The following DIP2C variants were observed in gnomAD, a reference collection of about 807,000 sequenced individuals.
DIP2C encodes the protein DIP2 acetate--CoA ligase C (putative).
In DIP2C, 33 loss-of-function variants were observed where a neutral mutation model predicts 192.4. That is an observed-to-expected ratio of 0.17 (90% confidence interval 0.13 to 0.23). The LOEUF is 0.23. DIP2C is among the 10% of genes least tolerant of loss of function. The pLI, the probability that DIP2C is intolerant of heterozygous loss-of-function variation, is 1.00. For missense variants in DIP2C, 1,537 were observed against 2,110.1 expected, an observed-to-expected ratio of 0.73 and a Z score of 5.32; for synonymous variants, 979 against 864.1, an observed-to-expected ratio of 1.13 and a Z score of -2.33.
chr10:627,914 C>T (rs1385602659), intron 1 of DIP2C, among the ~76,000 whole-genome samples: 1 of 152,234 alleles, frequency 6.6e-6, no homozygotes, highest in Non-Finnish European at 1.5e-5. Flanking sequence ...CACCATCAGT[C>T]CCCCACCTCA....
chr10:602,045 C>T (rs1852114109), intron 1 of DIP2C, among the ~76,000 whole-genome samples: 1 of 146,236 alleles, frequency 6.8e-6, no homozygotes, highest in African/African-American at 2.6e-5. Context: ...CAGCCTAAGC[C>T]ACATGGGAAG....
chr10:285,790 C>T (rs956638814), intron 34 of DIP2C, among the ~76,000 whole-genome samples: 2 of 152,266 alleles, frequency 1.3e-5, no homozygotes, highest in Non-Finnish European at 2.9e-5. Context: ...CGGGCTCATT[C>T]TGAACACAAT....
intron 9 of DIP2C, among the ~76,000 whole-genome samples, chr10:403,937 G>C (rs1272361267): frequency 1.1e-5 from 1 of 94,582 alleles, no homozygotes; most frequent in Non-Finnish European, 2.2e-5. Context: ...TTTTACACGT[G>C]TGGTGGCATT....
intron 9 of DIP2C, among the ~76,000 whole-genome samples, chr10:401,773 C>T (rs937153699): frequency 1.3e-5 from 2 of 150,382 alleles, no homozygotes; most frequent in African/African-American, 2.5e-5. Flanking sequence ...TAGCATTACT[C>T]TTCCTTATGG....
chr10:588,454 T>C (rs992555712), intron 1 of DIP2C, among the ~76,000 whole-genome samples: 1 of 152,104 alleles, frequency 6.6e-6, no homozygotes, highest in African/African-American at 2.4e-5. Flanking sequence ...CCGCACTGGG[T>C]GAGGTGAGCA....
chr10:298,748 G>A (rs150979665), intron 32 of DIP2C, among the ~76,000 whole-genome samples: 7 of 152,310 alleles, frequency 4.6e-5, no homozygotes, highest in African/African-American at 1.7e-4. Context: ...AGGTGACAAG[G>A]GGACTCCTGA....
At chr10:645,792 C>T (rs190509300) in intron 1 of DIP2C, among the ~76,000 whole-genome samples, 126 of 152,254 alleles carry the variant, frequency 8.3e-4, no homozygotes, top group Admixed American at 3.3e-3. Context: ...TTGCCTATTT[C>T]CCTAGGTTTG....
intron 6 of DIP2C, among the ~76,000 whole-genome samples, chr10:417,220 G>A (rs1007420199): frequency 3.3e-4 from 50 of 152,074 alleles, no homozygotes; most frequent in Admixed American, 3.1e-3. Flanking sequence ...AGGGACCCCC[G>A]AACTTCTAGC....
chr10:382,727 G>A lies in DIP2C; in HGVS notation c.1911C>T (p.Val637=), dbSNP rs1384445842. ...SISSCDAFLN[V]FQSKGLRQEV... ...CCTGTCGAAGGCCTTTACTTTGGAAGACATTGAGAAATGCATCGCAAGAAG... is the reference window on the plus strand; with the variant it reads ...CCTGTCGAAGGCCTTTACTTTGGAAAACATTGAGAAATGCATCGCAAGAAG... Residue 637 remains valine, a synonymous_variant, in exon 17 of 37, where the codon GTC becomes GTT. Coordinates refer to ENST00000280886, the MANE Select transcript of DIP2C (RefSeq NM_014974.3). 2 of 1,613,722 alleles carry A rather than the reference G, an allele frequency of 1.2e-6. No individual in the cohort carries two copies. The highest frequency in any genetic ancestry group is 2.2e-5 in the South Asian group (2 of 90,908).
intron 1 of DIP2C, among the ~76,000 whole-genome samples, chr10:618,320 G>A (rs1341665802): frequency 1.3e-5 from 2 of 152,200 alleles, no homozygotes; most frequent in Non-Finnish European, 2.9e-5. Context: ...TGGCTGGCTT[G>A]CAGGCCTGGA....
intron 34 of DIP2C, among the ~76,000 whole-genome samples, chr10:285,366 G>A (rs1337651815): frequency 1.3e-5 from 2 of 152,138 alleles, no homozygotes; most frequent in Admixed American, 6.5e-5. Flanking sequence ...TGTGCTGCTG[G>A]GAGCCATTCA....
intron 1 of DIP2C, among the ~76,000 whole-genome samples, chr10:660,857 T>C (rs1392719393): frequency 6.6e-6 from 1 of 152,308 alleles, no homozygotes; most frequent in East Asian, 1.9e-4. Flanking sequence ...CGAGAGCTCC[T>C]ATAACCTGAT....
intron 17 of DIP2C, among the ~76,000 whole-genome samples, chr10:378,647 ACACACATGAACAGATATGCCTAGG>A (rs1455700793): frequency 3.1e-5 from 2 of 64,746 alleles, no homozygotes; most frequent in Non-Finnish European, 6.8e-5. Context: ...ATGCATAAAG[ACACACATGAACAGATATGCCTAGG>A]CACACATGAA....
chr10:573,381 G>A (rs1849940198), intron 1 of DIP2C, among the ~76,000 whole-genome samples: 1 of 152,204 alleles, frequency 6.6e-6, no homozygotes, highest in Non-Finnish European at 1.5e-5. Flanking sequence ...TTTACACAGA[G>A]CGCAGCCGGG....
chr10:528,764 A>T (rs1847206925), intron 1 of DIP2C, among the ~76,000 whole-genome samples: 1 of 152,126 alleles, frequency 6.6e-6, no homozygotes. Context: ...GCAAAGTACC[A>T]CTGCATCAGT....
At chr10:644,563 G>A (rs564183843) in intron 1 of DIP2C, among the ~76,000 whole-genome samples, 26 of 152,400 alleles carry the variant, frequency 1.7e-4, no homozygotes, top group Admixed American at 7.2e-4. Flanking sequence ...CCACTTCAGG[G>A]AGTCTGGGCA....
intron 31 of DIP2C, chr10:311,505 G>T (rs1956564882): frequency 1.3e-5 from 16 of 1,232,448 alleles, no homozygotes; most frequent in Non-Finnish European, 1.6e-5. Flanking sequence ...GGGCAGGGAG[G>T]CACGGGTGTG....
intron 31 of DIP2C, among the ~76,000 whole-genome samples, chr10:312,590 C>A (rs902415958): frequency 5.9e-5 from 9 of 152,070 alleles, no homozygotes; most frequent in Non-Finnish European, 1.3e-4. Flanking sequence ...ACAACAGAGC[C>A]AAGTCTATGA....
chr10:498,683 ACT>A (rs1245280322), intron 1 of DIP2C, among the ~76,000 whole-genome samples: 2 of 151,848 alleles, frequency 1.3e-5, no homozygotes, highest in South Asian at 4.2e-4. Flanking sequence ...TCACCTCAAG[ACT>A]CTGGGCTCAA....
Sources: gnomAD v4.1 joint callset for allele counts (sites outside exome capture counted in the v4.1 genomes callset) on GRCh38, gnomAD v4.1.1 for gene constraint, MANE v1.5 for transcripts, NCBI Gene and HGNC (gene_info 2026-07-23, HGNC 2026-07-21) for gene names.